The following IL17RE variants were observed in gnomAD, a reference collection of about 807,000 sequenced individuals.
IL17RE encodes interleukin 17 receptor E.
A neutral mutation model predicts 70.7 loss-of-function variants in IL17RE; 47 were observed. The ratio of observed to expected loss-of-function variants is 0.67; its 90% CI spans 0.53 to 0.85. The LOEUF is 0.85. Among genes scored for constraint, IL17RE ranks in the 40% least tolerant of loss-of-function variants. The pLI, the probability that IL17RE is intolerant of heterozygous loss-of-function variation, is 0.00. For synonymous variants in IL17RE, 372 were observed against 381.2 expected, an observed-to-expected ratio of 0.98 and a Z score of 0.28; for missense variants, 850 against 893.9, an observed-to-expected ratio of 0.95 and a Z score of 0.63.
chr3:9,908,104 T>C, intron 6 of IL17RE, 135 bp from the exon 7 acceptor site: 3 of 693,286 alleles, frequency 4.3e-6, no homozygotes, highest in Admixed American at 2.3e-5. Flanking sequence ...GAGAGACTTA[T>C]CAGGAGAAGA....
chr3:9,902,836 C>T (rs2082666354), upstream of IL17RE: 1 of 1,601,944 alleles, frequency 6.2e-7, no homozygotes. Context: ...GGCGAGGGCT[C>T]CTGCTGGTAC....
Position 9,915,910 on chromosome 3 carries a change from G to C in IL17RE, c.*103G>C. ...GACCCTGAAATCCTTGGGGTGCCTC[G>C]AGGACGACTGGCCGAAAAGCCGCAT... On this transcript the variant is annotated 3_prime_UTR_variant, in exon 16 of 16. Transcript: ENST00000383814. The surrounding 1 kb of genome is among the most constrained non-coding windows in gnomAD (Gnocchi z 4.9). 7.4e-7 allele frequency: 1 copy of C among 1,349,368 alleles called. No homozygotes were observed. The highest frequency in any genetic ancestry group is 9.5e-7 in the Non-Finnish European group (1 of 1,052,568). 83.6% of individuals were successfully genotyped at this position (1,349,368 alleles called of 1,614,324 possible). A position where few individuals can be genotyped will look rare whatever the true frequency, so the allele number is the denominator to read the frequency against.
upstream of IL17RE, chr3:9,902,676 A>C: frequency 6.5e-7 from 1 of 1,536,080 alleles, no homozygotes; most frequent in Non-Finnish European, 8.7e-7. Flanking sequence ...CCACAGCAGG[A>C]GCCCCTTGTC....
chr3:9,908,888 C>T (rs1009394302), intron 7 of IL17RE, among the ~76,000 whole-genome samples: 2 of 152,180 alleles, frequency 1.3e-5, no homozygotes, highest in African/African-American at 4.8e-5. Context: ...GGAGCCAACA[C>T]AGAGCACTGG....
At position 9,915,432 on chromosome 3, in the gene IL17RE, G is replaced by C. The variant is rs1471921078; in HGVS notation, c.1629G>C (p.Ala543=). The C allele has an allele frequency of 4.4e-6, 6 of 1,356,200 alleles. No individual in the cohort carries two copies. The East Asian group carries it at 1.8e-4, about 41-fold the overall frequency. The allele number at this position is 1,356,200 out of a possible 1,614,324, so 84.0% of individuals were successfully genotyped here. Residue 543 remains alanine, a synonymous_variant, in exon 16 of 16, where the codon GCG becomes GCC. Coordinates refer to ENST00000383814, the MANE Select transcript of IL17RE (RefSeq NM_153480.2). The surrounding 1 kb of genome is among the most constrained non-coding windows in gnomAD (Gnocchi z 4.9). ...TGGGCCCGCTGCCGTGGCTCTGGGC[G>C]GCGCGGACGCGCGTAGCGCGGGAGC... The part of the protein sequence containing the change: ...ARVGPLPWLW[A]ARTRVAREQG...
chr3:9,915,877 G>C lies in IL17RE; in HGVS notation c.*70G>C. 7.0e-7 allele frequency: 1 copy of C among 1,434,378 alleles called. No homozygotes were observed. The highest frequency in any genetic ancestry group is 1.5e-5 in the South Asian group (1 of 67,652). The allele number at this position is 1,434,378 out of a possible 1,614,324, so 88.9% of individuals were successfully genotyped here. ...CGGACACTGGCTGGAACCCCGGAAT[G>C]AGCCTTCGACCCTGAAATCCTTGGG... On this transcript the variant is annotated 3_prime_UTR_variant, in exon 16 of 16. Transcript: ENST00000383814. The surrounding 1 kb of genome is among the most constrained non-coding windows in gnomAD (Gnocchi z 4.9).
At position 9,911,063 on chromosome 3, in the gene IL17RE, C is replaced by G. The variant is rs192061164; in HGVS notation, c.978+23C>G. ...GGGGTGAGGACAGGTTCCCCCAGGACCAGGGTGGGCAGGGCTGGGGCCCAG... is the reference window on the plus strand; with the variant it reads ...GGGGTGAGGACAGGTTCCCCCAGGAGCAGGGTGGGCAGGGCTGGGGCCCAG... On this transcript the variant is annotated intron_variant, in intron 9 of 15. Coordinates refer to ENST00000383814, the MANE Select transcript of IL17RE (RefSeq NM_153480.2). 7.8e-4 allele frequency: 1,257 copies of G among 1,614,114 alleles called. 12 individuals are homozygous for G. The African/African-American group carries it at 0.012, about 16-fold the overall frequency.
chr3:9,916,320 T>C lies in IL17RE; in HGVS notation c.*513T>C, dbSNP rs1342882122. On this transcript the variant is annotated 3_prime_UTR_variant, in exon 16 of 16. Transcript: ENST00000383814. ...CTCCAGGTGGTCAGGACAGTGGGGGTTGGGGGTGGGGTGGGTGGGTGCTGG... is the reference window on the plus strand; with the variant it reads ...CTCCAGGTGGTCAGGACAGTGGGGGCTGGGGGTGGGGTGGGTGGGTGCTGG... The C allele has an allele frequency of 1.4e-4, 1 of 6,984 alleles. No homozygotes were observed. Among genetic ancestry groups the C allele is most frequent in the Non-Finnish European group, 2.8e-4 (1 of 3,580 alleles). The allele number at this position is 6,984 out of a possible 1,614,324, so 0.4% of individuals were successfully genotyped here. A position where few individuals can be genotyped will look rare whatever the true frequency, so the allele number is the denominator to read the frequency against.
Position 9,915,290 on chromosome 3 carries a change from C to A in IL17RE, c.1487C>A (p.Ala496Glu), listed in dbSNP as rs1025056388. 9 of 1,402,758 alleles carry A rather than the reference C, an allele frequency of 6.4e-6. No individual in the cohort carries two copies. The highest frequency in any genetic ancestry group is 7.4e-6 in the Non-Finnish European group (8 of 1,086,104). The allele number at this position is 1,402,758 out of a possible 1,614,324, so 86.9% of individuals were successfully genotyped here. A position where few individuals can be genotyped will look rare whatever the true frequency, so the allele number is the denominator to read the frequency against. ...CGGCCAGTGCTCCTCCTGCACGCGG[C>A]GGACTCGGAGGCGCAGCGGCGCCTG... is the stretch of plus-strand genomic sequence containing the variant. ...PARPVLLLHAADSEAQRRLVG... is the reference protein window; with the variant it reads ...PARPVLLLHAEDSEAQRRLVG... Residue 496 changes from alanine (A) to glutamate (E), a missense_variant, in exon 16 of 16, where the codon GCG (alanine) becomes GAG (glutamate). Physicochemically the swap from Ala to Glu is moderately radical, Grantham distance 107. Coordinates refer to ENST00000383814, the MANE Select transcript of IL17RE (RefSeq NM_153480.2). The surrounding 1 kb of genome is among the most constrained non-coding windows in gnomAD (Gnocchi z 4.9).
chr3:9,905,939 C>T (rs934377536), intron 3 of IL17RE, among the ~76,000 whole-genome samples: 3 of 152,174 alleles, frequency 2.0e-5, no homozygotes, highest in Admixed American at 6.5e-5. Flanking sequence ...AGAAGCTTGA[C>T]ATCCTTACCC....
chr3:9,915,662 C>T lies in IL17RE; in HGVS notation c.1859C>T (p.Pro620Leu). The stretch of plus-strand genomic sequence containing the variant: ...CGCTACCGCCTGCTGCGCGACCTGC[C>T]GCGTCTGCTGCGGGCGCTGGACGCG... The part of the protein sequence containing the change: ...LPRYRLLRDL[P>L]RLLRALDARP... The change falls in exon 16 of 16, where the codon CCG (proline) becomes CTG (leucine). Residue 620 changes from proline to leucine, a missense_variant. Transcript: ENST00000383814. The surrounding 1 kb of genome is among the most constrained non-coding windows in gnomAD (Gnocchi z 4.9). 9 of 1,402,686 alleles carry T rather than the reference C, an allele frequency of 6.4e-6. No individual in the cohort carries two copies. Among genetic ancestry groups the T allele is most frequent in the Non-Finnish European group, 7.4e-6 (8 of 1,086,210 alleles). 86.9% of individuals were successfully genotyped at this position (1,402,686 alleles called of 1,614,324 possible).
At chr3:9,902,843 G>A, upstream of IL17RE, 7 of 1,607,668 alleles carry the variant, frequency 4.4e-6, no homozygotes, top group Non-Finnish European at 5.9e-6. Context: ...GCTCCTGCTG[G>A]TACTGTGTTC....
chr3:9,910,818 G>A lies in IL17RE; in HGVS notation c.803-47G>A. ...CCCAGGATGTGGGTGGCAAGGTGGG[G>A]CTGAAGCAGGGCTGACCCTCACCCA... On this transcript the variant is annotated intron_variant, in intron 8 of 15. Transcript: ENST00000383814. The A allele has an allele frequency of 1.9e-6, 3 of 1,573,456 alleles. No homozygotes were observed. In the South Asian group the frequency reaches 3.5e-5, roughly 18 times the overall value.
upstream of IL17RE, chr3:9,902,599 G>C: frequency 6.5e-7 from 1 of 1,535,246 alleles, no homozygotes; most frequent in Non-Finnish European, 8.7e-7. Context: ...TGTTTCAGGA[G>C]TAGGAGGGGC....
rs191590304 is a variant in IL17RE at position 9,913,131 on chromosome 3, G to A, written c.1228-825G>A. Among the ~76,000 whole-genome samples the A allele has an allele frequency of 1.6e-3, 249 of 152,282 alleles. 1 individual carries two copies. Among genetic ancestry groups the A allele is most frequent in the African/African-American group, 5.4e-3 (225 of 41,558 alleles). ...TAAAAATGAAGAAAGTAGGCCAGGC[G>A]CAGTGGCTCACGCCTGTAATTCCAG... On this transcript the variant is annotated intron_variant, in intron 12 of 15. Transcript: ENST00000383814.
In IL17RE at chr3:9,914,692, C is replaced by A; in HGVS notation, c.1362C>A (p.His454Gln). ...TGCTTGACTCAGTCTCTTACAGACA[C>A]CTGGGGCTCTTGATCCTGGCACTGC... is the stretch of plus-strand genomic sequence containing the variant. The part of the protein sequence containing the change: ...HLLCPDVSYR[H>Q]LGLLILALLA... Residue 454 changes from histidine (H) to glutamine (Q), a missense_variant, in exon 15 of 16, where the codon CAC becomes CAA. By Grantham distance (24) the His-to-Gln change is conservative. Transcript: ENST00000383814. 6.2e-7 allele frequency: 1 copy of A among 1,614,138 alleles called. No homozygotes were observed.
intron 12 of IL17RE, among the ~76,000 whole-genome samples, chr3:9,912,133 G>A (rs910308879): frequency 3.9e-5 from 6 of 152,138 alleles, no homozygotes; most frequent in Admixed American, 1.3e-4. Flanking sequence ...TTATAGGAGC[G>A]CAAACCCTAT....
intron 12 of IL17RE, 198 bp downstream of exon 12, chr3:9,911,795 T>C (rs961573213): frequency 8.3e-6 from 4 of 484,092 alleles, no homozygotes; most frequent in East Asian, 6.5e-5. Flanking sequence ...ATTTTCTTTT[T>C]TTTCTTTTTT....
At chr3:9,908,428 C>T in intron 7 of IL17RE, 121 bp downstream of exon 7, 1 of 810,450 alleles carries the variant, frequency 1.2e-6, no homozygotes. Context: ...TACTGGCATG[C>T]TTAGGAAGAC....
Sources: gnomAD v4.1 joint callset for allele counts (sites outside exome capture counted in the v4.1 genomes callset) on GRCh38, gnomAD v4.1.1 for gene constraint, Gnocchi (gnomAD v3.1) non-coding constraint, MANE v1.5 for transcripts, NCBI Gene and HGNC (gene_info 2026-07-23, HGNC 2026-07-21) for gene names.